Variants in NRG1 observed in about 807,000 individuals in gnomAD.
NRG1 encodes pro-neuregulin-1, membrane-bound isoform.
A neutral mutation model predicts 63.8 loss-of-function variants in NRG1; 18 were observed. The observed-to-expected ratio is 0.28, with a 90% CI of 0.19 to 0.42. The LOEUF (loss-of-function observed/expected upper bound fraction) is 0.42, where lower values mean the gene tolerates loss of function less well. NRG1 is among the 10% of genes least tolerant of loss of function. The pLI, the probability that NRG1 is intolerant of heterozygous loss-of-function variation, is 1.00. For missense variants in NRG1, 762 were observed against 814.7 expected (o/e 0.94, Z 0.79); for synonymous variants, 302 against 301.3 (o/e 1.00, Z -0.02).
At chr8:32,398,315 C>T (rs1812701948) in intron 1 of NRG1, among the ~76,000 whole-genome samples, 1 of 152,132 alleles carries the variant, frequency 6.6e-6, no homozygotes, top group Non-Finnish European at 1.5e-5. Flanking sequence ...ACCACCCTCA[C>T]AGCAACCCCA....
chr8:32,749,590 G>A (rs766635180), intron 7 of NRG1: 4 of 1,613,488 alleles, frequency 2.5e-6, no homozygotes, highest in Non-Finnish European at 3.4e-6. Flanking sequence ...TATGGGTATG[G>A]ACCAATCATC....
chr8:32,772,550 C>T (rs957908625), downstream of NRG1, among the ~76,000 whole-genome samples: 40 of 152,082 alleles, frequency 2.6e-4, no homozygotes, highest in South Asian at 2.3e-3. Context: ...AAACTTTGCA[C>T]CTTTCTAATT....
intron 1 of NRG1, among the ~76,000 whole-genome samples, chr8:32,532,076 C>T (rs1468643819): frequency 6.6e-6 from 1 of 152,084 alleles, no homozygotes; most frequent in African/African-American, 2.4e-5. Flanking sequence ...AGGCAGTAAA[C>T]CTTCTCTTTT....
intron 1 of NRG1, among the ~76,000 whole-genome samples, chr8:31,814,729 T>C (rs1415737626): frequency 6.6e-6 from 1 of 151,414 alleles, no homozygotes; most frequent in African/African-American, 2.4e-5. Context: ...TTGGCAAGTA[T>C]ATACTATGTC....
chr8:32,582,069 C>CTTATTTTATTTTATTTTATTT (rs148113315), intron 1 of NRG1, among the ~76,000 whole-genome samples: 10 of 145,244 alleles, frequency 6.9e-5, no homozygotes, highest in South Asian at 2.2e-4. Flanking sequence ...ACCATGAACT[C>CTTATTTTATTTTATTTTATTT]TATTTTATTT....
chr8:32,292,388 A>G (rs1854307095), intron 1 of NRG1, among the ~76,000 whole-genome samples: 1 of 152,222 alleles, frequency 6.6e-6, no homozygotes, highest in African/African-American at 2.4e-5. Flanking sequence ...GGTTGGTGAT[A>G]TGAAGAAAAC....
intron 1 of NRG1, among the ~76,000 whole-genome samples, chr8:32,388,666 TC>T (rs574879776): frequency 0.055 from 7,980 of 144,906 alleles, 269 homozygotes; most frequent in Middle Eastern, 0.12. Context: ...TTTTTTTTTT[TC>T]GTCTCAAAAA....
chr8:31,931,049 A>G (rs534174812), intron 1 of NRG1, among the ~76,000 whole-genome samples: 2 of 152,266 alleles, frequency 1.3e-5, no homozygotes, highest in South Asian at 4.2e-4. Flanking sequence ...TTTGGATTCA[A>G]TTCAGATAGA....
chr8:32,706,956 AAATT>A (rs1465010060), intron 5 of NRG1, among the ~76,000 whole-genome samples: 1 of 152,124 alleles, frequency 6.6e-6, no homozygotes, highest in African/African-American at 2.4e-5. Flanking sequence ...AATATAATTC[AAATT>A]ATTTAGAAGT....
chr8:31,851,924 C>T (rs1413972068), intron 1 of NRG1, among the ~76,000 whole-genome samples: 1 of 151,256 alleles, frequency 6.6e-6, no homozygotes, highest in Non-Finnish European at 1.5e-5. Flanking sequence ...CATGTCCCTA[C>T]AAAGGACATG....
At chr8:31,774,188 G>A (rs1818896887) in intron 1 of NRG1, among the ~76,000 whole-genome samples, 1 of 151,844 alleles carries the variant, frequency 6.6e-6, no homozygotes. Context: ...ATCTTCCTCA[G>A]GGCCTTTGCA....
intron 1 of NRG1, among the ~76,000 whole-genome samples, chr8:32,301,324 G>A (rs1034911481): frequency 3.9e-5 from 6 of 152,176 alleles, no homozygotes; most frequent in African/African-American, 1.4e-4. Flanking sequence ...TACATTAAAA[G>A]TTATATGTTG....
chr8:32,654,474 CAAA>C lies in NRG1; in HGVS notation c.502+37592_502+37594del, dbSNP rs370411827. 7.7e-3 allele frequency among the ~76,000 whole-genome samples: 1,172 copies of C among 151,844 alleles called. 4 individuals are homozygous for C. Among genetic ancestry groups the C allele is most frequent in the Middle Eastern group, 0.024 (7 of 292 alleles). On this transcript the variant is annotated intron_variant, in intron 5 of 11. Transcript: ENST00000356819. ...TGAAACCCTGTGTCTACTAAAAATA[CAAA>C]AATTAGCCAGGGGTGGGGGTTCATG...
At chr8:32,321,921 G>A (rs1042406719) in intron 1 of NRG1, among the ~76,000 whole-genome samples, 1 of 151,776 alleles carries the variant, frequency 6.6e-6, no homozygotes, top group South Asian at 2.1e-4. Flanking sequence ...GAGACAAGAT[G>A]CTGCCTTAAC....
chr8:32,593,748 A>G (rs1250321610), intron 1 of NRG1, among the ~76,000 whole-genome samples: 1 of 152,070 alleles, frequency 6.6e-6, no homozygotes, highest in African/African-American at 2.4e-5. Flanking sequence ...TTCAGATAAC[A>G]TGAGAATTTA....
intron 1 of NRG1, among the ~76,000 whole-genome samples, chr8:31,810,295 C>A (rs1822760363): frequency 6.6e-6 from 1 of 152,074 alleles, no homozygotes; most frequent in African/African-American, 2.4e-5. Context: ...ATTATGTATT[C>A]AGCGGCCTCA....
At chr8:31,681,954 C>T (rs1443569864) in intron 1 of NRG1, among the ~76,000 whole-genome samples, 3 of 152,070 alleles carry the variant, frequency 2.0e-5, no homozygotes, top group Non-Finnish European at 4.4e-5. Flanking sequence ...GCTGCTGCAT[C>T]AGTATTACCC....
intron 1 of NRG1, among the ~76,000 whole-genome samples, chr8:32,537,608 G>A (rs1832144183): frequency 6.6e-6 from 1 of 152,206 alleles, no homozygotes; most frequent in Non-Finnish European, 1.5e-5. Flanking sequence ...AGCAGCAGCT[G>A]GAAGTCAGGG....
At chr8:31,864,313 C>T (rs946021063) in intron 1 of NRG1, among the ~76,000 whole-genome samples, 3 of 152,162 alleles carry the variant, frequency 2.0e-5, no homozygotes, top group Non-Finnish European at 4.4e-5. Flanking sequence ...CCTCTTAGTG[C>T]AGTAGAGACA....
Sources: gnomAD v4.1 joint callset for allele counts (sites outside exome capture counted in the v4.1 genomes callset) on GRCh38, gnomAD v4.1.1 for gene constraint, MANE v1.5 for transcripts, NCBI Gene and HGNC (gene_info 2026-07-23, HGNC 2026-07-21) for gene names.